PRKCH: variants seen among roughly 807,000 people sequenced by gnomAD.
PRKCH encodes protein kinase C eta.
A neutral mutation model predicts 82.5 loss-of-function variants in PRKCH; 28 were observed. That is an observed-to-expected ratio of 0.34 (90% CI 0.25 to 0.47). The LOEUF (loss-of-function observed/expected upper bound fraction) is 0.47, where lower values mean the gene tolerates loss of function less well. PRKCH is among the 20% of genes least tolerant of loss of function. PRKCH has a pLI of 1.00. For missense variants in PRKCH, 705 were observed against 881.8 expected (o/e 0.80, Z 2.54); for synonymous variants, 322 against 327.4 (o/e 0.98, Z 0.18).
intron 1 of PRKCH, among the ~76,000 whole-genome samples, chr14:61,375,064 G>A (rs1215851737): frequency 3.9e-5 from 6 of 152,028 alleles, no homozygotes; most frequent in Non-Finnish European, 8.8e-5. Flanking sequence ...GCCACATCTT[G>A]AATGCTTTGC....
intron 10 of PRKCH, among the ~76,000 whole-genome samples, chr14:61,513,717 A>G (rs889087803): frequency 6.6e-6 from 1 of 152,170 alleles, no homozygotes; most frequent in Non-Finnish European, 1.5e-5. Flanking sequence ...GTAGTATGAC[A>G]GTATGATAGT....
intron 1 of PRKCH, among the ~76,000 whole-genome samples, chr14:61,342,969 T>A (rs1225932340): frequency 6.6e-6 from 1 of 152,228 alleles, no homozygotes; most frequent in African/African-American, 2.4e-5. Context: ...GGAAGTGTCA[T>A]CTCTGGAGAA....
At chr14:61,474,300 C>T (rs117642402) in intron 9 of PRKCH, among the ~76,000 whole-genome samples, 2,034 of 152,298 alleles carry the variant, frequency 0.013, 22 homozygotes, top group South Asian at 0.028. Context: ...AAAGTTAACA[C>T]AATGTGCTTT....
chr14:61,322,497 A>C, intron 1 of PRKCH, 33 bp downstream of exon 1: 1 of 1,569,566 alleles, frequency 6.4e-7, no homozygotes, highest in Non-Finnish European at 8.7e-7. Context: ...CTTTGTGTCC[A>C]CCCAACCCCC....
chr14:61,335,950 T>C (rs1374520777), intron 1 of PRKCH, among the ~76,000 whole-genome samples: 1 of 152,228 alleles, frequency 6.6e-6, no homozygotes, highest in African/African-American at 2.4e-5. Context: ...GGTTCAGCTA[T>C]TCATTCTGCC....
At chr14:61,250,346 C>T (rs7143018) in intron 1 of PRKCH, among the ~76,000 whole-genome samples, 120,352 of 151,808 alleles carry the variant, frequency 0.79, 48,710 homozygotes, top group South Asian at 0.91. Flanking sequence ...ATGAAGATGC[C>T]CTTCAGTAGG....
At chr14:61,288,874 G>T (rs1487891396) in intron 1 of PRKCH, among the ~76,000 whole-genome samples, 1 of 152,218 alleles carries the variant, frequency 6.6e-6, no homozygotes, top group South Asian at 2.1e-4. Flanking sequence ...TAAAGAGGTT[G>T]TTATTGTTCA....
intron 2 of PRKCH, among the ~76,000 whole-genome samples, chr14:61,417,453 A>G (rs1048530856): frequency 6.6e-6 from 1 of 152,338 alleles, no homozygotes; most frequent in South Asian, 2.1e-4. Flanking sequence ...AACCCTTTTG[A>G]TTAAGAAGAC....
intron 2 of PRKCH, among the ~76,000 whole-genome samples, chr14:61,407,218 A>G (rs1337310899): frequency 6.6e-6 from 1 of 152,204 alleles, no homozygotes; most frequent in Non-Finnish European, 1.5e-5. Context: ...TTAGGATTAT[A>G]GGGATTTTAA....
chr14:61,354,917 A>G (rs1273009958), intron 1 of PRKCH, among the ~76,000 whole-genome samples: 1 of 152,228 alleles, frequency 6.6e-6, no homozygotes, highest in East Asian at 1.9e-4. Flanking sequence ...TACCTGGGAC[A>G]TTATGTCTGG....
chr14:61,519,544 G>T (rs2042876333), intron 10 of PRKCH, among the ~76,000 whole-genome samples: 1 of 152,096 alleles, frequency 6.6e-6, no homozygotes, highest in Non-Finnish European at 1.5e-5. Flanking sequence ...ACACTTTCTG[G>T]GCTGGAAATT....
chr14:61,317,061 C>T (rs541424303), upstream of PRKCH, among the ~76,000 whole-genome samples: 59 of 152,312 alleles, frequency 3.9e-4, no homozygotes, highest in South Asian at 1.7e-3. Flanking sequence ...TCACGTCAAA[C>T]GTGTGACTTC....
intron 1 of PRKCH, among the ~76,000 whole-genome samples, chr14:61,300,997 A>C (rs990402112): frequency 1.3e-4 from 19 of 151,818 alleles, no homozygotes; most frequent in Admixed American, 3.3e-4. Flanking sequence ...ATCAGACACC[A>C]CCTCCTCAAG....
At chr14:61,366,131 T>A (rs1318074324) in intron 1 of PRKCH, among the ~76,000 whole-genome samples, 1 of 152,114 alleles carries the variant, frequency 6.6e-6, no homozygotes, top group Non-Finnish European at 1.5e-5. Flanking sequence ...AAAAGCTCTT[T>A]GCAAATAATG....
intron 1 of PRKCH, among the ~76,000 whole-genome samples, chr14:61,329,426 G>A (rs2045751998): frequency 6.6e-6 from 1 of 151,894 alleles, no homozygotes; most frequent in African/African-American, 2.4e-5. Context: ...GGTAGAGACA[G>A]GGTTTTGCCA....
At chr14:61,198,351 G>A (rs141261652) in intron 1 of PRKCH, among the ~76,000 whole-genome samples, 4 of 152,138 alleles carry the variant, frequency 2.6e-5, no homozygotes, top group Non-Finnish European at 4.4e-5. Context: ...AAACATGACC[G>A]GTTCTTCCAT....
At chr14:61,416,339 G>A (rs1425309819) in intron 2 of PRKCH, among the ~76,000 whole-genome samples, 1 of 152,226 alleles carries the variant, frequency 6.6e-6, no homozygotes, top group South Asian at 2.1e-4. Flanking sequence ...ACAGGTGTAA[G>A]CCACCATGCC....
intron 1 of PRKCH, among the ~76,000 whole-genome samples, chr14:61,371,885 C>A (rs1340106105): frequency 6.6e-6 from 1 of 151,962 alleles, no homozygotes; most frequent in Non-Finnish European, 1.5e-5. Flanking sequence ...GGAGATTTGT[C>A]TATTCTCCCC....
At chr14:61,379,533 T>C (rs1052476664) in intron 1 of PRKCH, among the ~76,000 whole-genome samples, 3 of 152,256 alleles carry the variant, frequency 2.0e-5, no homozygotes, top group Non-Finnish European at 4.4e-5. Context: ...TTTTGCCTTC[T>C]TCCTCCATTA....
Sources: allele counts gnomAD v4.1 joint callset (sites outside exome capture counted in the v4.1 genomes callset), GRCh38; gene constraint gnomAD v4.1.1; transcripts MANE v1.5; gene names NCBI Gene and HGNC (gene_info 2026-07-23, HGNC 2026-07-21).